VCAN: variants seen among roughly 807,000 people sequenced by gnomAD.
VCAN encodes the protein versican core protein.
A neutral mutation model predicts 245.5 loss-of-function variants in VCAN; 44 were observed. The observed-to-expected ratio is 0.18, with a 90% CI of 0.14 to 0.23. The LOEUF is 0.23. VCAN is among the 10% of genes least tolerant of loss of function. The pLI is 1.00. For synonymous variants in VCAN, 1,413 were observed against 1,437.0 expected, an observed-to-expected ratio of 0.98 and a Z score of 0.38; for missense variants, 3,793 against 4,057.9, an observed-to-expected ratio of 0.93 and a Z score of 1.77.
At position 83,483,590 on chromosome 5, in the gene VCAN, T is replaced by C; in HGVS notation, c.70+2T>C. On this transcript the variant is annotated splice_donor_variant, in intron 2 of 14. Transcript: ENST00000265077. LOFTEE classifies it high-confidence loss of function. Reference sequence around the variant, plus strand: ...TAGTAACCCATGCGCTACATAAAGGTGAGTGTGCTAACAATTTCTTTGGTG... The same window carrying C: ...TAGTAACCCATGCGCTACATAAAGGCGAGTGTGCTAACAATTTCTTTGGTG... 2 of 1,612,832 alleles carry C rather than the reference T, an allele frequency of 1.2e-6. No homozygotes were observed. The highest frequency in any genetic ancestry group is 1.7e-6 in the Non-Finnish European group (2 of 1,179,076).
chr5:83,552,941 T>G (rs967577363), intron 10 of VCAN, among the ~76,000 whole-genome samples: 1 of 152,230 alleles, frequency 6.6e-6, no homozygotes, highest in Non-Finnish European at 1.5e-5. Context: ...TTGAAGTTGT[T>G]ATGCAAATAG....
At chr5:83,531,308 G>A (rs1181367561) in intron 7 of VCAN, 1 of 152,074 alleles carries the variant, frequency 6.6e-6, no homozygotes, top group African/African-American at 2.4e-5. Context: ...GGCTTTTAGT[G>A]ATTTTATCTT....
intron 13 of VCAN, 132 bp downstream of exon 13, chr5:83,572,692 T>G: frequency 8.3e-7 from 1 of 1,206,414 alleles, no homozygotes; most frequent in Non-Finnish European, 1.2e-6. Flanking sequence ...CTCTCGTTGC[T>G]CTGGAATATT....
chr5:83,538,667 T>C lies in VCAN; in HGVS notation c.5664T>C (p.Ser1888=). Residue 1888 remains serine, a synonymous_variant, in exon 8 of 15, where the codon AGT becomes AGC. Coordinates refer to ENST00000265077, the MANE Select transcript of VCAN (RefSeq NM_004385.5). ...CTGAGCCAACAGGACTGGTTTTGAG[T>C]ACAGTAATGGACAGAGTAGTTGCTG... is the stretch of plus-strand genomic sequence containing the variant. ...FSTEPTGLVL[S]TVMDRVVAEN... The C allele has an allele frequency of 2.5e-6, 4 of 1,614,046 alleles. No individual in the cohort carries two copies. The highest frequency in any genetic ancestry group is 2.5e-6 in the Non-Finnish European group (3 of 1,179,966).
intron 6 of VCAN, among the ~76,000 whole-genome samples, chr5:83,515,580 C>T (rs1745816939): frequency 6.6e-6 from 1 of 152,160 alleles, no homozygotes; most frequent in Non-Finnish European, 1.5e-5. Flanking sequence ...AAACAGTTTT[C>T]TTGTTTTACA....
chr5:83,565,466 C>T (rs150892587), intron 12 of VCAN, among the ~76,000 whole-genome samples: 1 of 151,730 alleles, frequency 6.6e-6, no homozygotes, highest in African/African-American at 2.4e-5. Flanking sequence ...TTATGACTCA[C>T]AAAAATATGA....
intron 12 of VCAN, among the ~76,000 whole-genome samples, chr5:83,556,346 GC>G (rs1747665827): frequency 6.6e-6 from 1 of 152,108 alleles, no homozygotes; most frequent in Admixed American, 6.6e-5. Flanking sequence ...TACCTCCTCG[GC>G]TTTAAAAAGA....
chr5:83,563,751 C>T (rs1298639621), intron 12 of VCAN, among the ~76,000 whole-genome samples: 1 of 152,052 alleles, frequency 6.6e-6, no homozygotes, highest in Non-Finnish European at 1.5e-5. Context: ...AGAGTTTGCG[C>T]ACAAAGAAGT....
rs550839782 is a variant in VCAN, at chr5:83,560,544, C to T, written c.9735+5506C>T. ...CAGAGGAAGCCAGACAGGCAGGGAA[C>T]GTTATGGAATCATTTATATTTATCT... On this transcript the variant is annotated intron_variant, in intron 12 of 14. Transcript: ENST00000265077. Among the ~76,000 whole-genome samples, 15 of 152,168 alleles carry T rather than the reference C, an allele frequency of 9.9e-5. No individual in the cohort carries two copies. In the South Asian group the frequency reaches 2.9e-3, roughly 30 times the overall value.
intron 10 of VCAN, among the ~76,000 whole-genome samples, chr5:83,550,860 C>T (rs970160475): frequency 5.2e-5 from 6 of 116,396 alleles, no homozygotes; most frequent in African/African-American, 2.0e-4. Context: ...GCACTCCAGC[C>T]TGGGTGACAA....
chr5:83,519,901 A>C lies in VCAN; in HGVS notation c.1595A>C (p.Glu532Ala), dbSNP rs369333149. The change falls in exon 7 of 15, where the codon GAA (glutamate) becomes GCA (alanine). Residue 532 changes from glutamate (E) to alanine (A), a missense_variant. Glu to Ala is a moderately radical substitution (Grantham distance 107). Around this residue, in one of 5 missense-constraint regions of VCAN, gnomAD observed 3,182 missense variants for 3,250.3 expected, o/e 0.98. Coordinates refer to ENST00000265077, the MANE Select transcript of VCAN (RefSeq NM_004385.5). ...TARMILESKT[E>A]KKMVSTVSEL... is the part of the protein sequence containing the mutation. ...AGAATGATCCTGGAATCCAAAACTGAAAAGAAAATGGTAAGCACTGTTTCT... is the reference window on the plus strand; with the variant it reads ...AGAATGATCCTGGAATCCAAAACTGCAAAGAAAATGGTAAGCACTGTTTCT... 108 of 1,614,014 alleles carry C rather than the reference A, an allele frequency of 6.7e-5. No homozygotes were observed. The highest frequency in any genetic ancestry group is 6.6e-4 in the Middle Eastern group (4 of 6,084).
At chr5:83,501,364 A>T (rs572796581) in intron 5 of VCAN, among the ~76,000 whole-genome samples, 2 of 152,296 alleles carry the variant, frequency 1.3e-5, no homozygotes, top group South Asian at 4.1e-4. Context: ...CATATCTAAG[A>T]AAACATTGCC....
At position 83,539,219 on chromosome 5, in the gene VCAN, A is replaced by G. The variant is rs1746860141; in HGVS notation, c.6216A>G (p.Pro2072=). The change falls in exon 8 of 15, where the codon CCA becomes CCG. Residue 2072 remains proline, a synonymous_variant. Coordinates refer to ENST00000265077, the MANE Select transcript of VCAN (RefSeq NM_004385.5). ...CAGAAGTGGAAGGTACGAAAGCTCC[A>G]GTAGAGAAGGAGGAAGTAAAGGTCA... is the stretch of plus-strand genomic sequence containing the variant. ...PTAEVEGTKA[P]VEKEEVKVSG... 1 of 1,613,956 alleles carries G rather than the reference A, an allele frequency of 6.2e-7. No homozygotes were observed. The highest frequency in any genetic ancestry group is 1.7e-5 in the Admixed American group (1 of 59,942).
chr5:83,528,602 TA>T (rs937363604), intron 7 of VCAN, among the ~76,000 whole-genome samples: 1 of 152,132 alleles, frequency 6.6e-6, no homozygotes, highest in African/African-American at 2.4e-5. Context: ...CACATTTTGA[TA>T]AGACAGCATG....
chr5:83,566,934 A>T (rs1010574359), intron 12 of VCAN, among the ~76,000 whole-genome samples: 1 of 152,228 alleles, frequency 6.6e-6, no homozygotes, highest in Admixed American at 6.5e-5. Flanking sequence ...GGAATGGTTC[A>T]CAATGAGTTC....
At chr5:83,478,059 C>T (rs1744463167) in intron 1 of VCAN, among the ~76,000 whole-genome samples, 1 of 151,104 alleles carries the variant, frequency 6.6e-6, no homozygotes, top group African/African-American at 2.4e-5. Flanking sequence ...TCTCCTGTGT[C>T]AGCCTCCCTA....
Position 83,539,561 on chromosome 5 carries a change from T to G in VCAN, c.6558T>G (p.Asp2186Glu). ...TTAACATGTCTACTCCAGATCCAGA[T>G]GCAAATGGCTTGGAATCTTACACAA... is the stretch of plus-strand genomic sequence containing the variant. Reference protein sequence around the residue: ...SLVNMSTPDPDANGLESYTTL... With the variant: ...SLVNMSTPDPEANGLESYTTL... The change falls in exon 8 of 15, where the codon GAT (aspartate) becomes GAG (glutamate). Residue 2186 changes from aspartate to glutamate, a missense_variant. Transcript: ENST00000265077. 1 of 1,614,100 alleles carries G rather than the reference T, an allele frequency of 6.2e-7. No homozygotes were observed. Among genetic ancestry groups the G allele is most frequent in the Admixed American group, 1.7e-5 (1 of 60,004 alleles).
At chr5:83,518,450 G>A (rs1254605956) in intron 6 of VCAN, among the ~76,000 whole-genome samples, 1 of 152,136 alleles carries the variant, frequency 6.6e-6, no homozygotes, top group Non-Finnish European at 1.5e-5. Context: ...CTGATGCTTA[G>A]GGTTGTTCCC....
At position 83,541,912 on chromosome 5, in the gene VCAN, G is replaced by T; in HGVS notation, c.8909G>T (p.Gly2970Val). Residue 2970 changes from glycine to valine, a missense_variant, in exon 8 of 15, where the codon GGT becomes GTT. Physicochemically the swap from Gly to Val is moderately radical, Grantham distance 109. This residue lies in a region of VCAN where 3,182 missense variants were observed against 3,250.3 expected (regional missense o/e 0.98). Coordinates refer to ENST00000265077, the MANE Select transcript of VCAN (RefSeq NM_004385.5). ...ACTGCCGATGAAATTGAATTAGAAG[G>T]TGCTACACAGTGGCCACACTCTACT... ...ITTADEIELE[G>V]ATQWPHSTSA... 3.1e-6 allele frequency: 5 copies of T among 1,614,058 alleles called. No homozygotes were observed. The highest frequency in any genetic ancestry group is 1.1e-5 in the South Asian group (1 of 91,082).
Sources: gnomAD v4.1 joint callset for allele counts (sites outside exome capture counted in the v4.1 genomes callset) on GRCh38, gnomAD v4.1.1 for gene constraint, gnomAD v4.1.1 regional missense constraint, MANE v1.5 for transcripts, NCBI Gene and HGNC (gene_info 2026-07-23, HGNC 2026-07-21) for gene names.